FRMD5: variants seen among roughly 807,000 people sequenced by gnomAD.
The protein encoded by FRMD5 is FERM domain containing 5.
A neutral mutation model predicts 69.0 loss-of-function variants in FRMD5; 20 were observed. The observed-to-expected ratio is 0.29, with a 90% confidence interval of 0.20 to 0.42. The LOEUF (loss-of-function observed/expected upper bound fraction) is 0.42, where lower values mean the gene tolerates loss of function less well. Among genes scored for constraint, FRMD5 ranks in the 10% least tolerant of loss-of-function variants. The pLI is 1.00. For missense variants in FRMD5, 595 were observed against 708.6 expected (o/e 0.84, Z 1.82); for synonymous variants, 271 against 260.1 (o/e 1.04, Z -0.40).
intron 1 of FRMD5, among the ~76,000 whole-genome samples, chr15:44,065,735 T>G (rs561722041): frequency 4.5e-4 from 69 of 152,340 alleles, no homozygotes; most frequent in African/African-American, 1.6e-3. Context: ...GCATATAAAC[T>G]GACCTACATT....
chr15:44,062,895 C>A (rs1427724168), intron 1 of FRMD5, among the ~76,000 whole-genome samples: 1 of 151,906 alleles, frequency 6.6e-6, no homozygotes, highest in Non-Finnish European at 1.5e-5. Context: ...TTCCTTGGTA[C>A]CTTTGTTAAA....
upstream of FRMD5, among the ~76,000 whole-genome samples, chr15:44,198,689 C>T (rs939285567): frequency 6.6e-6 from 1 of 152,194 alleles, no homozygotes; most frequent in South Asian, 2.1e-4. Context: ...CAGAGCAAGA[C>T]CTTGTCTCCA....
At chr15:43,919,319 C>T (rs2089451363) in intron 4 of FRMD5, 140 bp downstream of exon 4, 4 of 807,542 alleles carry the variant, frequency 5.0e-6, no homozygotes, top group Admixed American at 1.7e-5. Flanking sequence ...AAATGAAATA[C>T]AGAAGTCATT....
intron 7 of FRMD5, among the ~76,000 whole-genome samples, chr15:43,896,927 A>G (rs2088922996): frequency 6.6e-6 from 1 of 152,190 alleles, no homozygotes; most frequent in Non-Finnish European, 1.5e-5. Context: ...AAAATCACCC[A>G]GTTTGAATAT....
At chr15:44,119,990 A>G (rs748126556) in intron 1 of FRMD5, among the ~76,000 whole-genome samples, 8 of 152,198 alleles carry the variant, frequency 5.3e-5, no homozygotes, top group Non-Finnish European at 8.8e-5. Flanking sequence ...AATGTGCAAA[A>G]GCATAATAAG....
chr15:44,032,099 G>A (rs1891709134), intron 1 of FRMD5, among the ~76,000 whole-genome samples: 2 of 152,000 alleles, frequency 1.3e-5, no homozygotes, highest in South Asian at 4.1e-4. Context: ...CAAGCAACGG[G>A]GAAAAAGACT....
At chr15:44,056,410 A>G (rs1478983703) in intron 1 of FRMD5, among the ~76,000 whole-genome samples, 4 of 152,226 alleles carry the variant, frequency 2.6e-5, no homozygotes, top group Admixed American at 6.5e-5. Context: ...TTCATCTGCA[A>G]AGAAGAATAA....
Position 44,100,047 on chromosome 15 carries a change from C to CTTT in FRMD5, c.102+94903_102+94905dup, listed in dbSNP as rs375230009. On this transcript the variant is annotated intron_variant, in intron 1 of 13. Coordinates refer to ENST00000417257, the MANE Select transcript of FRMD5 (RefSeq NM_032892.5). ...ACTGTATCTAATAGCTTCTTCTTCT[C>CTTT]TTTTTTTTTTTTTTTTTTTTTAAGA... Among the ~76,000 whole-genome samples the CTTT allele has an allele frequency of 8.5e-5, 11 of 129,254 alleles. No individual in the cohort carries two copies. In the South Asian group the frequency reaches 2.0e-3, roughly 24 times the overall value. The allele number at this position is 129,254 out of a possible 152,430, so 84.8% of individuals were successfully genotyped here. A position where few individuals can be genotyped will look rare whatever the true frequency, so the allele number is the denominator to read the frequency against.
intron 1 of FRMD5, among the ~76,000 whole-genome samples, chr15:44,066,734 G>C (rs1227875611): frequency 1.3e-5 from 2 of 152,176 alleles, no homozygotes; most frequent in African/African-American, 4.8e-5. Context: ...CTGATAGAAA[G>C]TGTGTAAGAA....
chr15:43,957,488 A>C (rs1367408126), intron 1 of FRMD5, among the ~76,000 whole-genome samples: 2 of 152,214 alleles, frequency 1.3e-5, no homozygotes, highest in African/African-American at 4.8e-5. Context: ...GTGAGCCATT[A>C]AGCCCAGCCT....
chr15:44,126,067 C>T (rs946104967), intron 1 of FRMD5, among the ~76,000 whole-genome samples: 3 of 152,230 alleles, frequency 2.0e-5, no homozygotes, highest in African/African-American at 7.2e-5. Flanking sequence ...AAGTCAGCTA[C>T]TGCAATGATT....
chr15:43,988,977 C>A lies in FRMD5; in HGVS notation c.103-64668G>T, dbSNP rs950903281. On this transcript the variant is annotated intron_variant, in intron 1 of 13. Coordinates refer to ENST00000417257, the MANE Select transcript of FRMD5 (RefSeq NM_032892.5). ...ACAAAACAAAACAAAATAAAAAAAACAAAGTCATGCCAATCTCATCTTGTT... is the reference window on the plus strand; with the variant it reads ...ACAAAACAAAACAAAATAAAAAAAAAAAAGTCATGCCAATCTCATCTTGTT... The A allele has an allele frequency of 1.3e-5, 9 of 669,286 alleles. No individual in the cohort carries two copies. The African/African-American group carries it at 1.6e-4, about 12-fold the overall frequency. The allele number at this position is 669,286 out of a possible 1,614,324, so 41.5% of individuals were successfully genotyped here. A position where few individuals can be genotyped will look rare whatever the true frequency, so the allele number is the denominator to read the frequency against.
intron 1 of FRMD5, among the ~76,000 whole-genome samples, chr15:43,979,082 A>C (rs2090508570): frequency 6.6e-6 from 1 of 152,078 alleles, no homozygotes; most frequent in Non-Finnish European, 1.5e-5. Context: ...TCATGTCTTT[A>C]ATCTCAGCAC....
At position 43,873,605 on chromosome 15, in the gene FRMD5, C is replaced by CAAAA; in HGVS notation, c.*276_*279dup. 1 of 1,448,436 alleles carries CAAAA rather than the reference C, an allele frequency of 6.9e-7. No individual in the cohort carries two copies. 89.7% of individuals were successfully genotyped at this position (1,448,436 alleles called of 1,614,324 possible). A position where few individuals can be genotyped will look rare whatever the true frequency, so the allele number is the denominator to read the frequency against. On this transcript the variant is annotated 3_prime_UTR_variant, in exon 14 of 14. Coordinates refer to ENST00000417257, the MANE Select transcript of FRMD5 (RefSeq NM_032892.5). The stretch of plus-strand genomic sequence containing the variant: ...TCTATGAAAAATCAAAATTCAAAAC[C>CAAAA]AAAAATTATCCTGCAAATTGGAAAG...
chr15:43,973,661 C>G (rs899001945), intron 1 of FRMD5, among the ~76,000 whole-genome samples: 1 of 152,114 alleles, frequency 6.6e-6, no homozygotes, highest in Non-Finnish European at 1.5e-5. Flanking sequence ...AACCACTGCT[C>G]CTGGTCACTA....
intron 1 of FRMD5, among the ~76,000 whole-genome samples, chr15:44,064,674 G>A (rs1035103511): frequency 2.0e-5 from 3 of 152,116 alleles, no homozygotes; most frequent in African/African-American, 7.2e-5. Context: ...AAATCCTACT[G>A]AAATAATATC....
At chr15:44,161,757 CAA>C (rs1335636608) in intron 1 of FRMD5, among the ~76,000 whole-genome samples, 1 of 152,114 alleles carries the variant, frequency 6.6e-6, no homozygotes, top group Non-Finnish European at 1.5e-5. Context: ...TTCCAAGTTC[CAA>C]AACAGCCCCT....
At chr15:43,939,328 C>G (rs1008085955) in intron 1 of FRMD5, among the ~76,000 whole-genome samples, 1 of 152,098 alleles carries the variant, frequency 6.6e-6, no homozygotes, top group Admixed American at 6.5e-5. Flanking sequence ...TCTATATTCC[C>G]CAAAGGCTGT....
intron 6 of FRMD5, among the ~76,000 whole-genome samples, chr15:43,905,089 C>G (rs2089138404): frequency 6.6e-6 from 1 of 151,578 alleles, no homozygotes; most frequent in South Asian, 2.1e-4. Flanking sequence ...CTGTCACAGA[C>G]TAAGAGCAGA....
Sources: allele counts gnomAD v4.1 joint callset (sites outside exome capture counted in the v4.1 genomes callset), GRCh38; gene constraint gnomAD v4.1.1; transcripts MANE v1.5; gene names NCBI Gene and HGNC (gene_info 2026-07-23, HGNC 2026-07-21).